Variants in LARGE1 observed in about 807,000 individuals in gnomAD.
LARGE1 encodes xylosyl- and glucuronyltransferase LARGE1.
Under a neutral mutation model 87.6 loss-of-function variants are expected in LARGE1, and 43 were observed. That is an observed-to-expected ratio of 0.49 (90% CI 0.38 to 0.63). The LOEUF is 0.63. Ranked by LOEUF, LARGE1 falls within the 30% of genes least tolerant of loss-of-function variation. The pLI, the probability that LARGE1 is intolerant of heterozygous loss-of-function variation, is 0.00. For synonymous variants in LARGE1, 434 were observed against 394.6 expected (o/e 1.10, Z -1.18); for missense variants, 802 against 1,000.2 (o/e 0.80, Z 2.67).
chr22:33,318,446 T>C (rs1319631391), intron 10 of LARGE1, among the ~76,000 whole-genome samples: 3 of 152,178 alleles, frequency 2.0e-5, no homozygotes, highest in African/African-American at 7.2e-5. Context: ...GAACTCATCA[T>C]TTTTTATGGC....
At chr22:33,874,192 G>A (rs1217826663) in intron 1 of LARGE1, among the ~76,000 whole-genome samples, 1 of 152,134 alleles carries the variant, frequency 6.6e-6, no homozygotes, top group Non-Finnish European at 1.5e-5. Flanking sequence ...GACTGAATCC[G>A]GGGACAGGAC....
chr22:33,705,313 A>G (rs1272941361), intron 2 of LARGE1, among the ~76,000 whole-genome samples: 3 of 152,132 alleles, frequency 2.0e-5, no homozygotes, highest in African/African-American at 7.2e-5. Context: ...TAGAGTCTAT[A>G]TTTGGAGACA....
chr22:33,605,916 G>A (rs916966849), intron 4 of LARGE1, among the ~76,000 whole-genome samples: 1 of 152,162 alleles, frequency 6.6e-6, no homozygotes, highest in Non-Finnish European at 1.5e-5. Flanking sequence ...ACGTGTAAGA[G>A]GAGAGGGAAG....
intron 1 of LARGE1, among the ~76,000 whole-genome samples, chr22:33,809,454 T>A (rs1163447859): frequency 1.3e-5 from 2 of 152,226 alleles, no homozygotes; most frequent in Middle Eastern, 3.2e-3. Flanking sequence ...GCACAACACC[T>A]GTGCATAGCA....
chr22:33,878,129 C>CTTTTTTTTTT lies in LARGE1; in HGVS notation c.-83+41856_-83+41865dup. 1.1e-3 allele frequency among the ~76,000 whole-genome samples: 50 copies of CTTTTTTTTTT among 44,652 alleles called. 12 individuals are homozygous for CTTTTTTTTTT. The highest frequency in any genetic ancestry group is 1.9e-3 in the African/African-American group (31 of 16,636). The allele number at this position is 44,652 out of a possible 152,430, so 29.3% of individuals were successfully genotyped here. A position where few individuals can be genotyped will look rare whatever the true frequency, so the allele number is the denominator to read the frequency against. The stretch of plus-strand genomic sequence containing the variant: ...TATGTATGTTGTTTATATTGTATTT[C>CTTTTTTTTTT]TTTTTTTTTTTTTTTTTTTTTTTTT... On this transcript the variant is annotated intron_variant, in intron 1 of 14. Transcript: ENST00000397394.
chr22:33,381,933 C>G lies in LARGE1; in HGVS notation c.1117G>C (p.Val373Leu), dbSNP rs778391457. The G allele has an allele frequency of 6.2e-7, 1 of 1,614,128 alleles. No individual in the cohort carries two copies. Among genetic ancestry groups the G allele is most frequent in the Middle Eastern group, 1.7e-4 (1 of 6,038 alleles). Residue 373 changes from valine to leucine, a missense_variant, in exon 9 of 15, where the codon GTG becomes CTG. Physicochemically the swap from Val to Leu is conservative, Grantham distance 32. Around this residue, in one of 2 missense-constraint regions of LARGE1, gnomAD observed 625 missense variants for 841.9 expected, o/e 0.74. Coordinates refer to ENST00000397394, the MANE Select transcript of LARGE1 (RefSeq NM_133642.5). ...HTRSEQCYRD[V>L]SDLKVIHWNS... ...GTTGACCCTACCTTTAGATCAGACA[C>G]GTCTCTGTAGCACTGCTCGGAGCGG... is the stretch of plus-strand genomic sequence containing the variant.
At chr22:33,799,957 T>C (rs2086108299) in intron 1 of LARGE1, among the ~76,000 whole-genome samples, 1 of 152,154 alleles carries the variant, frequency 6.6e-6, no homozygotes, top group Non-Finnish European at 1.5e-5. Context: ...GTGGGCTCTA[T>C]TTAGCCAGGA....
At chr22:33,677,288 T>TAAAAAA (rs779032764) in intron 2 of LARGE1, among the ~76,000 whole-genome samples, 6 of 110,140 alleles carry the variant, frequency 5.4e-5, no homozygotes, top group African/African-American at 6.1e-5. Flanking sequence ...TTTCAGGAGT[T>TAAAAAA]AAAAAAAAAA....
At chr22:33,879,223 C>T (rs2064586512) in intron 1 of LARGE1, among the ~76,000 whole-genome samples, 2 of 152,314 alleles carry the variant, frequency 1.3e-5, no homozygotes, top group East Asian at 3.9e-4. Flanking sequence ...GCCTCGGCCT[C>T]CCAAAGTGGT....
At chr22:33,390,308 C>T (rs2065473746) in intron 7 of LARGE1, among the ~76,000 whole-genome samples, 1 of 152,204 alleles carries the variant, frequency 6.6e-6, no homozygotes, top group South Asian at 2.1e-4. Context: ...AATCTCACAA[C>T]ATTCTTAGAA....
At chr22:33,093,822 C>CTTTTTTTTTTTTTTTTTTTTTTTTTT in the LARGE1 span, among the ~76,000 whole-genome samples, 1 of 81,578 alleles carries the variant, frequency 1.2e-5, no homozygotes, top group Non-Finnish European at 2.3e-5. Context: ...TTCTTTCTTT[C>CTTTTTTTTTTTTTTTTTTTTTTTTTT]TTTTTTTTTT....
chr22:33,211,454 A>C (rs565942334), intron 11 of LARGE1, among the ~76,000 whole-genome samples: 1 of 152,254 alleles, frequency 6.6e-6, no homozygotes, highest in Admixed American at 6.5e-5. Flanking sequence ...TGTGAACACA[A>C]AGGAAAGGTT....
intron 1 of LARGE1, among the ~76,000 whole-genome samples, chr22:33,843,952 A>T (rs535276313): frequency 5.8e-4 from 88 of 151,682 alleles, no homozygotes; most frequent in African/African-American, 2.0e-3. Context: ...GGTGGTGGGA[A>T]CCTATAATCC....
intron 6 of LARGE1, among the ~76,000 whole-genome samples, chr22:33,445,127 G>A (rs1003710456): frequency 6.6e-6 from 1 of 152,118 alleles, no homozygotes; most frequent in Non-Finnish European, 1.5e-5. Flanking sequence ...GCTGTGCCCC[G>A]CCACCTCCTC....
intron 6 of LARGE1, among the ~76,000 whole-genome samples, chr22:33,519,608 C>T (rs1057436676): frequency 2.6e-5 from 4 of 152,112 alleles, no homozygotes; most frequent in Admixed American, 6.6e-5. Flanking sequence ...AACAAAAACA[C>T]GTAAATGATG....
At chr22:33,723,163 G>A (rs769723132) in intron 2 of LARGE1, among the ~76,000 whole-genome samples, 8 of 152,260 alleles carry the variant, frequency 5.3e-5, no homozygotes, top group South Asian at 4.1e-4. Context: ...AGGCTTGTTC[G>A]AACAAGGAAG....
At chr22:33,582,050 A>C (rs1488195388) in intron 5 of LARGE1, among the ~76,000 whole-genome samples, 1 of 152,142 alleles carries the variant, frequency 6.6e-6, no homozygotes, top group Admixed American at 6.5e-5. Context: ...CAATTGTGTC[A>C]GTTTCTAATA....
chr22:33,469,713 AGCTACTCGAGAG>A (rs1369987427), intron 6 of LARGE1, among the ~76,000 whole-genome samples: 1 of 151,680 alleles, frequency 6.6e-6, no homozygotes, highest in Non-Finnish European at 1.5e-5. Flanking sequence ...CTGTAATTCC[AGCTACTCGAGAG>A]GCTAAGGCAG....
At chr22:33,364,767 G>A (rs1471506726) in intron 9 of LARGE1, among the ~76,000 whole-genome samples, 1 of 152,154 alleles carries the variant, frequency 6.6e-6, no homozygotes, top group Non-Finnish European at 1.5e-5. Flanking sequence ...CACAATCACA[G>A]GTCACTGCAT....
Sources: allele counts gnomAD v4.1 joint callset (sites outside exome capture counted in the v4.1 genomes callset), GRCh38; gene constraint gnomAD v4.1.1; regional missense constraint gnomAD v4.1.1; transcripts MANE v1.5; gene names NCBI Gene and HGNC (gene_info 2026-07-23, HGNC 2026-07-21).